Variants in DYM observed in about 807,000 individuals in gnomAD.
The protein encoded by DYM is dymeclin.
A neutral mutation model predicts 93.1 loss-of-function variants in DYM; 78 were observed. The observed-to-expected ratio is 0.84, with a 90% confidence interval of 0.70 to 1.01. DYM has a LOEUF of 1.01. Ranked by LOEUF, DYM falls within the 50% of genes least tolerant of loss-of-function variation. The pLI is 0.00. For synonymous variants in DYM, 321 were observed against 319.7 expected, an observed-to-expected ratio of 1.00 and a Z score of -0.04; for missense variants, 789 against 845.0, an observed-to-expected ratio of 0.93 and a Z score of 0.82.
At chr18:49,264,435 G>T (rs540332469) in intron 11 of DYM, among the ~76,000 whole-genome samples, 16 of 152,024 alleles carry the variant, frequency 1.1e-4, no homozygotes, top group Non-Finnish European at 2.1e-4. Flanking sequence ...GCATATGAGA[G>T]TCCTTTTTCT....
chr18:49,226,015 C>G (rs1176017363), intron 13 of DYM, among the ~76,000 whole-genome samples: 1 of 152,086 alleles, frequency 6.6e-6, no homozygotes, highest in African/African-American at 2.4e-5. Context: ...AGAACTTTAA[C>G]TTGTCTTTGA....
At chr18:49,139,666 T>C (rs911335997) in intron 15 of DYM, among the ~76,000 whole-genome samples, 1 of 152,206 alleles carries the variant, frequency 6.6e-6, no homozygotes, top group African/African-American at 2.4e-5. Flanking sequence ...TCTGAATGTC[T>C]ATCATTAAAA....
In DYM at chr18:49,068,364, G is replaced by A. The variant is rs146462713; in HGVS notation, c.2026-24160C>T. Among the ~76,000 whole-genome samples, 12 of 152,332 alleles carry A rather than the reference G, an allele frequency of 7.9e-5. No individual in the cohort carries two copies. In the East Asian group the frequency reaches 2.3e-3, roughly 29 times the overall value. ...TCTCCATTCTAACAACTAATGCTGA[G>A]AGAAAGGATATTTTTTGGTCCACTT... On this transcript the variant is annotated intron_variant, in intron 17 of 17. Coordinates refer to ENST00000675505, the MANE Select transcript of DYM (RefSeq NM_001353214.3).
intron 15 of DYM, among the ~76,000 whole-genome samples, chr18:49,127,252 C>G (rs1201264666): frequency 6.6e-6 from 1 of 152,140 alleles, no homozygotes; most frequent in African/African-American, 2.4e-5. Context: ...AAAATGATCC[C>G]ATTTTCAGAT....
At chr18:49,114,108 T>C (rs1476806844) in intron 16 of DYM, among the ~76,000 whole-genome samples, 1 of 152,214 alleles carries the variant, frequency 6.6e-6, no homozygotes, top group Non-Finnish European at 1.5e-5. Context: ...TAACATGTGA[T>C]AACTATCCAA....
At chr18:49,067,209 A>G (rs200690176) in intron 17 of DYM, among the ~76,000 whole-genome samples, 51 of 6,476 alleles carry the variant, frequency 7.9e-3, no homozygotes, top group East Asian at 0.018. Flanking sequence ...GGGTGATGTG[A>G]GCACTATGCA....
At position 49,118,853 on chromosome 18, in the gene DYM, G is replaced by A; in HGVS notation, c.1802C>T (p.Ser601Phe). ...TACCAAGTTTGGGTTGTGGTGAAGG[G>A]AATTTGTCAGGCAGGAGTTGATGAT... ...LEIINSCLTN[S>F]LHHNPNLVYA... Residue 601 changes from serine (S) to phenylalanine (F), a missense_variant, in exon 16 of 18, where the codon TCC (serine) becomes TTC (phenylalanine). Physicochemically the swap from Ser to Phe is radical, Grantham distance 155. Transcript: ENST00000675505. 6.2e-7 allele frequency: 1 copy of A among 1,614,070 alleles called. No individual in the cohort carries two copies. The highest frequency in any genetic ancestry group is 8.5e-7 in the Non-Finnish European group (1 of 1,179,982).
In DYM at chr18:49,053,966, G is replaced by A. The variant is rs989792324; in HGVS notation, c.2026-9762C>T. Among the ~76,000 whole-genome samples the A allele has an allele frequency of 4.6e-5, 7 of 152,266 alleles. No homozygotes were observed. The East Asian group carries it at 5.8e-4, about 13-fold the overall frequency. Reference sequence around the variant, plus strand: ...AGGATGGGAGGTGGGTGGTGCTCCCGGACGATGCTCTCCCAGGTAGTTCTG... The same window carrying A: ...AGGATGGGAGGTGGGTGGTGCTCCCAGACGATGCTCTCCCAGGTAGTTCTG... On this transcript the variant is annotated intron_variant, in intron 17 of 17. Coordinates refer to ENST00000675505, the MANE Select transcript of DYM (RefSeq NM_001353214.3).
intron 11 of DYM, among the ~76,000 whole-genome samples, chr18:49,262,587 C>A (rs1448309458): frequency 6.6e-6 from 1 of 152,158 alleles, no homozygotes; most frequent in Non-Finnish European, 1.5e-5. Context: ...AGAATATTCA[C>A]CAGGTATGCC....
chr18:49,294,557 T>C (rs1323859329), intron 8 of DYM, among the ~76,000 whole-genome samples: 1 of 152,064 alleles, frequency 6.6e-6, no homozygotes, highest in African/African-American at 2.4e-5. Context: ...ATCCTTAACA[T>C]TCAAAATGTG....
At chr18:49,237,303 T>A (rs1325863076) in intron 13 of DYM, among the ~76,000 whole-genome samples, 1 of 152,212 alleles carries the variant, frequency 6.6e-6, no homozygotes. Flanking sequence ...ACAACTTAAA[T>A]GTCGTAATAT....
At chr18:49,422,073 A>G (rs897642469) in intron 2 of DYM, among the ~76,000 whole-genome samples, 1 of 152,220 alleles carries the variant, frequency 6.6e-6, no homozygotes, top group African/African-American at 2.4e-5. Context: ...CAAGTTGGAA[A>G]ACACTCTGCA....
intron 2 of DYM, among the ~76,000 whole-genome samples, chr18:49,425,748 T>C (rs1248429815): frequency 2.6e-5 from 4 of 151,866 alleles, no homozygotes; most frequent in Non-Finnish European, 4.4e-5. Flanking sequence ...TATGAACAGA[T>C]ACTTCTCAAA....
At chr18:49,376,279 T>G (rs2067501184) in intron 5 of DYM, among the ~76,000 whole-genome samples, 1 of 152,220 alleles carries the variant, frequency 6.6e-6, no homozygotes, top group African/African-American at 2.4e-5. Context: ...AAAGAAACTT[T>G]AGAACACTTA....
intron 17 of DYM, among the ~76,000 whole-genome samples, chr18:49,085,485 A>G (rs2078429487): frequency 6.6e-6 from 1 of 152,164 alleles, no homozygotes; most frequent in South Asian, 2.1e-4. Flanking sequence ...TGATTTTCAC[A>G]ATCCAGTAAC....
At chr18:49,300,357 T>C (rs2060843584) in intron 8 of DYM, among the ~76,000 whole-genome samples, 1 of 152,060 alleles carries the variant, frequency 6.6e-6, no homozygotes, top group African/African-American at 2.4e-5. Context: ...CCTAGCACTC[T>C]GGGAGGCTGA....
intron 8 of DYM, among the ~76,000 whole-genome samples, chr18:49,289,719 ATATATGTG>A (rs1168243491): frequency 6.6e-5 from 2 of 30,338 alleles, no homozygotes; most frequent in East Asian, 7.6e-4. Context: ...TCAAATATAT[ATATATGTG>A]TATATATATA....
At chr18:49,430,841 C>T (rs1025707157) in intron 1 of DYM, among the ~76,000 whole-genome samples, 2 of 150,450 alleles carry the variant, frequency 1.3e-5, no homozygotes, top group Admixed American at 6.6e-5. Context: ...GCCAAGATCG[C>T]GCCACTGCAC....
chr18:49,195,987 G>A (rs1272424071), intron 14 of DYM, among the ~76,000 whole-genome samples: 2 of 136,530 alleles, frequency 1.5e-5, no homozygotes, highest in African/African-American at 2.8e-5. Context: ...GCAGTGGTGC[G>A]ATCTCGGCTC....
Sources: gnomAD v4.1 joint callset for allele counts (sites outside exome capture counted in the v4.1 genomes callset) on GRCh38, gnomAD v4.1.1 for gene constraint, MANE v1.5 for transcripts, NCBI Gene and HGNC (gene_info 2026-07-23, HGNC 2026-07-21) for gene names.